COLEC10: variants seen among roughly 807,000 people sequenced by gnomAD.
The protein encoded by COLEC10 is collectin-10.
In COLEC10, 22 loss-of-function variants were observed where a neutral mutation model predicts 28.4. That is an observed-to-expected ratio of 0.78 (90% CI 0.55 to 1.11). The LOEUF (loss-of-function observed/expected upper bound fraction) is 1.11, where lower values mean the gene tolerates loss of function less well. Ranked by LOEUF, COLEC10 falls within the 50% of genes least tolerant of loss-of-function variation. The probability of loss-of-function intolerance (pLI) is 0.00; values close to 1 mark genes in which losing one functional copy is unlikely to be tolerated. For synonymous variants in COLEC10, 125 were observed against 116.1 expected (o/e 1.08, Z -0.49); for missense variants, 361 against 344.1 (o/e 1.05, Z -0.39).
At chr8:119,080,805 C>T (rs1815352972) in intron 1 of COLEC10, among the ~76,000 whole-genome samples, 1 of 152,074 alleles carries the variant, frequency 6.6e-6, no homozygotes, top group African/African-American at 2.4e-5. Flanking sequence ...TAATACTTTT[C>T]TCTAATTTAT....
chr8:118,963,938 G>C, the COLEC10 span, among the ~76,000 whole-genome samples: 10 of 152,266 alleles, frequency 6.6e-5, no homozygotes, highest in South Asian at 2.1e-3. Context: ...GCCCTCCTTG[G>C]GGGGATGCAT....
chr8:119,081,433 T>C (rs1401673523), intron 1 of COLEC10, among the ~76,000 whole-genome samples: 1 of 152,228 alleles, frequency 6.6e-6, no homozygotes, highest in Admixed American at 6.5e-5. Context: ...TTTTATGCCT[T>C]AGTGTTTTTC....
intron 2 of COLEC10, among the ~76,000 whole-genome samples, chr8:119,059,966 T>C (rs560283474): frequency 2.0e-5 from 3 of 152,262 alleles, no homozygotes; most frequent in African/African-American, 7.2e-5. Context: ...TTCTGACTTC[T>C]TCACATAGTC....
rs566142617 is a variant in COLEC10, at chr8:119,005,031, G to A, written n.123-4410G>A. 2.6e-4 allele frequency among the ~76,000 whole-genome samples: 39 copies of A among 151,968 alleles called. No homozygotes were observed. In the East Asian group the frequency reaches 4.7e-3, roughly 18 times the overall value. The stretch of plus-strand genomic sequence containing the variant: ...CATGTTATTTCCATGCTCAAAATCC[G>A]TCAATGACATCTGCTAAAGGATAAA... On this transcript the variant is annotated intron_variant and non_coding_transcript_variant, in intron 1 of 6. Transcript: ENST00000521788.
intron 3 of COLEC10, among the ~76,000 whole-genome samples, chr8:119,096,986 C>T (rs986018000): frequency 6.6e-6 from 1 of 151,884 alleles, no homozygotes; most frequent in Admixed American, 6.6e-5. Flanking sequence ...AATATATGGA[C>T]ACAGTATTGG....
At chr8:119,022,399 AG>A (rs1814116210) in intron 2 of COLEC10, among the ~76,000 whole-genome samples, 1 of 152,130 alleles carries the variant, frequency 6.6e-6, no homozygotes, top group Non-Finnish European at 1.5e-5. Context: ...ATTTTTTAAA[AG>A]GTAGGGGAAA....
upstream of COLEC10, among the ~76,000 whole-genome samples, chr8:118,992,752 A>G (rs74410365): frequency 0.015 from 2,308 of 152,274 alleles, 71 homozygotes; most frequent in African/African-American, 0.052. Flanking sequence ...ATAATCACAT[A>G]ATATTTATCA....
At chr8:119,037,382 C>T (rs775841535) in intron 2 of COLEC10, among the ~76,000 whole-genome samples, 4 of 152,030 alleles carry the variant, frequency 2.6e-5, no homozygotes, top group Non-Finnish European at 5.9e-5. Flanking sequence ...TAAGTATATG[C>T]CAGAAAAAAG....
intron 1 of COLEC10, among the ~76,000 whole-genome samples, chr8:119,084,309 G>A (rs1402854744): frequency 1.3e-5 from 2 of 152,150 alleles, no homozygotes; most frequent in Non-Finnish European, 2.9e-5. Flanking sequence ...GAATATGCAA[G>A]GTCAGGACCC....
intron 2 of COLEC10, among the ~76,000 whole-genome samples, chr8:119,009,886 G>A (rs989083862): frequency 6.7e-6 from 1 of 150,180 alleles, no homozygotes; most frequent in East Asian, 1.9e-4. Context: ...TAAATTTTTG[G>A]TTCACAGCAA....
At chr8:119,053,888 TG>T (rs1814720898) in intron 2 of COLEC10, among the ~76,000 whole-genome samples, 1 of 152,100 alleles carries the variant, frequency 6.6e-6, no homozygotes, top group Admixed American at 6.6e-5. Context: ...ATATATACTA[TG>T]TTTTTTTCTA....
the COLEC10 span, among the ~76,000 whole-genome samples, chr8:118,966,982 T>C: frequency 1.3e-4 from 20 of 152,162 alleles, no homozygotes; most frequent in Non-Finnish European, 2.6e-4. Flanking sequence ...TTATATACTT[T>C]TGTTGATCAA....
chr8:118,985,138 C>T, the COLEC10 span, among the ~76,000 whole-genome samples: 15 of 152,022 alleles, frequency 9.9e-5, no homozygotes, highest in African/African-American at 3.4e-4. Context: ...GAGCATGGCC[C>T]TTCCAAAACC....
chr8:119,065,222 G>A (rs1814931159), upstream of COLEC10, among the ~76,000 whole-genome samples: 1 of 152,188 alleles, frequency 6.6e-6, no homozygotes, highest in African/African-American at 2.4e-5. Flanking sequence ...GAGGTGTGCG[G>A]TGGGTGAGCC....
At chr8:118,965,042 T>C in the COLEC10 span, among the ~76,000 whole-genome samples, 6 of 152,204 alleles carry the variant, frequency 3.9e-5, no homozygotes, top group Non-Finnish European at 7.3e-5. Flanking sequence ...AGCTGAATGT[T>C]GAAGGAAGAG....
chr8:119,102,316 A>ATTTTAATTTTAT, intron 3 of COLEC10, 32 bp from the exon 4 acceptor site: 1 of 1,158,360 alleles, frequency 8.6e-7, no homozygotes, highest in Non-Finnish European at 1.1e-6. Context: ...TTTTAATTTT[A>ATTTTAATTTTAT]TTTTATTTTG....
At chr8:119,028,517 C>A (rs116930637) in intron 2 of COLEC10, among the ~76,000 whole-genome samples, 6,646 of 152,070 alleles carry the variant, frequency 0.044, 211 homozygotes, top group East Asian at 0.16. Flanking sequence ...AAAGAGGAAA[C>A]CCCTGATAAA....
At chr8:119,098,833 G>A (rs1815768699) in intron 3 of COLEC10, among the ~76,000 whole-genome samples, 1 of 151,964 alleles carries the variant, frequency 6.6e-6, no homozygotes, top group Non-Finnish European at 1.5e-5. Context: ...CTTTTTAAAT[G>A]GAGATGCAAT....
the COLEC10 span, among the ~76,000 whole-genome samples, chr8:118,974,595 T>G: frequency 6.6e-6 from 1 of 152,082 alleles, no homozygotes; most frequent in Admixed American, 6.6e-5. Flanking sequence ...GGCATGAGGG[T>G]TTTGATGACT....
Sources: allele counts gnomAD v4.1 joint callset (sites outside exome capture counted in the v4.1 genomes callset), GRCh38; gene constraint gnomAD v4.1.1; transcripts MANE v1.5; gene names NCBI Gene and HGNC (gene_info 2026-07-23, HGNC 2026-07-21).